Variants in TICAM1 observed in about 807,000 individuals in gnomAD.
TICAM1 encodes TIR domain-containing adapter molecule 1.
For synonymous variants in TICAM1, 439 were observed against 415.4 expected, an observed-to-expected ratio of 1.06 and a Z score of -0.69; for missense variants, 895 against 938.2, an observed-to-expected ratio of 0.95 and a Z score of 0.60.
At position 4,816,224 on chromosome 19, in the gene TICAM1, G is replaced by A; in HGVS notation, c.*15C>T. On this transcript the variant is annotated 3_prime_UTR_variant, in exon 2 of 2. Coordinates refer to ENST00000248244, the MANE Select transcript of TICAM1 (RefSeq NM_182919.4). The surrounding 1 kb of genome is among the most constrained non-coding windows in gnomAD (Gnocchi z 4.3). The stretch of plus-strand genomic sequence containing the variant: ...TCCAGGGGTGTTCCCCAGGTGGTCA[G>A]GCAAGGACACGCGGTCATTCTGCCT... 6.7e-7 allele frequency: 1 copy of A among 1,500,404 alleles called. No homozygotes were observed. The highest frequency in any genetic ancestry group is 8.9e-7 in the Non-Finnish European group (1 of 1,129,040). 92.9% of individuals were successfully genotyped at this position (1,500,404 alleles called of 1,614,324 possible).
At chr19:4,828,218 C>T (rs766295800) in intron 1 of TICAM1, among the ~76,000 whole-genome samples, 6 of 150,818 alleles carry the variant, frequency 4.0e-5, no homozygotes, top group Admixed American at 2.6e-4. Context: ...GGGTTCCCAC[C>T]GTTCTCCTGC....
chr19:4,822,155 G>A (rs916686346), intron 1 of TICAM1, among the ~76,000 whole-genome samples: 3 of 151,714 alleles, frequency 2.0e-5, no homozygotes, highest in Non-Finnish European at 4.4e-5. Context: ...GGCTGGTCTT[G>A]AACTCCCGAC....
chr19:4,827,881 A>G (rs1459296589), intron 1 of TICAM1, among the ~76,000 whole-genome samples: 1 of 151,742 alleles, frequency 6.6e-6, no homozygotes, highest in Non-Finnish European at 1.5e-5. Context: ...AAGTTCGATG[A>G]TCCACGAATC....
At position 4,817,070 on chromosome 19, in the gene TICAM1, G is replaced by A. The variant is rs1600053274; in HGVS notation, c.1308C>T (p.Arg436=). 3.1e-6 allele frequency: 5 copies of A among 1,614,098 alleles called. No individual in the cohort carries two copies. Among genetic ancestry groups the A allele is most frequent in the South Asian group, 1.1e-5 (1 of 91,084 alleles). ...CGTCCTGCAGGCAGCTCAGCTCCCCGCGCCCCGGCACCTGGAAATCCTCGC... is the reference window on the plus strand; with the variant it reads ...CGTCCTGCAGGCAGCTCAGCTCCCCACGCCCCGGCACCTGGAAATCCTCGC... ...TFCEDFQVPG[R]GELSCLQDAI... is the part of the protein sequence containing the mutation. Residue 436 remains arginine, a synonymous_variant, in exon 2 of 2, where the codon CGC becomes CGT. Coordinates refer to ENST00000248244, the MANE Select transcript of TICAM1 (RefSeq NM_182919.4). This position sits in a 1 kb window ranked among gnomAD's most constrained non-coding sequence, Gnocchi z 4.7.
rs2093592141 is a variant in TICAM1, at chr19:4,818,615, A to G, written c.-139-99T>C. Reference sequence around the variant, plus strand: ...CGCCTGCTTTCCCCGCCTGCCACCCAGACCTAGCCAGGTGACCTTCGGCAA... The same window carrying G: ...CGCCTGCTTTCCCCGCCTGCCACCCGGACCTAGCCAGGTGACCTTCGGCAA... On this transcript the variant is annotated intron_variant, in intron 1 of 1. Coordinates refer to ENST00000248244, the MANE Select transcript of TICAM1 (RefSeq NM_182919.4). This position sits in a 1 kb window ranked among gnomAD's most constrained non-coding sequence, Gnocchi z 4.0. 2.7e-6 allele frequency: 2 copies of G among 728,166 alleles called. No homozygotes were observed. Among genetic ancestry groups the G allele is most frequent in the African/African-American group, 3.6e-5 (2 of 54,952 alleles). The allele number at this position is 728,166 out of a possible 1,614,324, so 45.1% of individuals were successfully genotyped here.
Position 4,817,695 on chromosome 19 carries a change from C to T in TICAM1, c.683G>A (p.Ser228Asn), listed in dbSNP as rs2093589476. 1 of 1,589,774 alleles carries T rather than the reference C, an allele frequency of 6.3e-7. No homozygotes were observed. The highest frequency in any genetic ancestry group is 1.1e-5 in the South Asian group (1 of 87,952). ...GGCCTGGGGGTCGTCACAGAGCTTG[C>T]TGGGCCCATGTGGGCTGCGGTGCAG... ...LSLHRSPHGP[S>N]KLCDDPQASL... The change falls in exon 2 of 2, where the codon AGC becomes AAC. Residue 228 changes from serine to asparagine, a missense_variant. Transcript: ENST00000248244. This position sits in a 1 kb window ranked among gnomAD's most constrained non-coding sequence, Gnocchi z 4.7.
In TICAM1 at chr19:4,817,506, G is replaced by C; in HGVS notation, c.872C>G (p.Pro291Arg). 6.2e-7 allele frequency: 1 copy of C among 1,613,976 alleles called. No individual in the cohort carries two copies. The change falls in exon 2 of 2, where the codon CCC becomes CGC. Residue 291 changes from proline to arginine, a missense_variant. Coordinates refer to ENST00000248244, the MANE Select transcript of TICAM1 (RefSeq NM_182919.4). The surrounding 1 kb of genome is among the most constrained non-coding windows in gnomAD (Gnocchi z 4.7). ...DATSTGLPDTPAAPETSTNYP... is the reference protein window; with the variant it reads ...DATSTGLPDTRAAPETSTNYP... ...GTTGGTGCTGGTTTCTGGAGCTGCG[G>C]GGGTATCAGGGAGGCCAGTGGAGGT...
rs778372322 is a variant in TICAM1 at position 4,817,183 on chromosome 19, T to C, written c.1195A>G (p.Ile399Val). The C allele has an allele frequency of 1.9e-6, 3 of 1,613,958 alleles. No individual in the cohort carries two copies. The highest frequency in any genetic ancestry group is 2.5e-6 in the Non-Finnish European group (3 of 1,180,010). ...SSEQKFYNFV[I>V]LHARADEHIA... ...TGTTCGTCTGCCCTGGCGTGGAGGA[T>C]CACAAAGTTATAGAATTTCTGTTCC... The change falls in exon 2 of 2, where the codon ATC (isoleucine) becomes GTC (valine). Residue 399 changes from isoleucine (I) to valine (V), a missense_variant. Transcript: ENST00000248244. This position sits in a 1 kb window ranked among gnomAD's most constrained non-coding sequence, Gnocchi z 4.7.
chr19:4,816,821 G>A lies in TICAM1; in HGVS notation c.1557C>T (p.Ile519=). 5.0e-6 allele frequency: 8 copies of A among 1,612,910 alleles called. No individual in the cohort carries two copies. The highest frequency in any genetic ancestry group is 6.8e-6 in the Non-Finnish European group (8 of 1,180,026). ...GLVRLDEHSQ[I]FARKVANTFK... Reference sequence around the variant, plus strand: ...AGGTGTTGGCCACCTTCCTGGCGAAGATCTGGGAGTGTTCGTCCAGCCGCA... The same window carrying A: ...AGGTGTTGGCCACCTTCCTGGCGAAAATCTGGGAGTGTTCGTCCAGCCGCA... Residue 519 remains isoleucine, a synonymous_variant, in exon 2 of 2, where the codon ATC becomes ATT. Coordinates refer to ENST00000248244, the MANE Select transcript of TICAM1 (RefSeq NM_182919.4). The surrounding 1 kb of genome is among the most constrained non-coding windows in gnomAD (Gnocchi z 4.3).
chr19:4,817,939 C>T lies in TICAM1; in HGVS notation c.439G>A (p.Asp147Asn), dbSNP rs2146170902. 6.2e-7 allele frequency: 1 copy of T among 1,613,898 alleles called. No individual in the cohort carries two copies. The highest frequency in any genetic ancestry group is 1.1e-5 in the South Asian group (1 of 91,088). ...QDEARNRCGW[D>N]IAGDPGSIRT... is the part of the protein sequence containing the mutation. ...ATGCTCCCTGGATCCCCAGCAATGT[C>T]CCACCCACACCGGTTTCGGGCCTCA... Residue 147 changes from aspartate to asparagine, a missense_variant, in exon 2 of 2, where the codon GAC becomes AAC. Physicochemically the swap from Asp to Asn is conservative, Grantham distance 23. Transcript: ENST00000248244. The surrounding 1 kb of genome is among the most constrained non-coding windows in gnomAD (Gnocchi z 4.7).
Position 4,817,658 on chromosome 19 carries a change from G to T in TICAM1, c.720C>A (p.Pro240=). The T allele has an allele frequency of 6.3e-7, 1 of 1,581,824 alleles. No homozygotes were observed. The highest frequency in any genetic ancestry group is 8.6e-7 in the Non-Finnish European group (1 of 1,164,594). ...CCTGGCAGCCACCGGGGACAGGCTCGGGCACCAAGCTGGCCTGGGGGTCGT... is the reference window on the plus strand; with the variant it reads ...CCTGGCAGCCACCGGGGACAGGCTCTGGCACCAAGCTGGCCTGGGGGTCGT... ...LCDDPQASLV[P]EPVPGGCQEP... The change falls in exon 2 of 2, where the codon CCC becomes CCA. Residue 240 remains proline, a synonymous_variant. Coordinates refer to ENST00000248244, the MANE Select transcript of TICAM1 (RefSeq NM_182919.4). This position sits in a 1 kb window ranked among gnomAD's most constrained non-coding sequence, Gnocchi z 4.7.
At chr19:4,827,085 T>A (rs551497899) in intron 1 of TICAM1, among the ~76,000 whole-genome samples, 2 of 151,982 alleles carry the variant, frequency 1.3e-5, no homozygotes, top group South Asian at 4.1e-4. Flanking sequence ...GCGCAGTGGC[T>A]CACGCCTGTA....
intron 1 of TICAM1, among the ~76,000 whole-genome samples, chr19:4,824,697 C>G (rs2093602982): frequency 6.6e-6 from 1 of 151,014 alleles, no homozygotes. Context: ...CTTTGGGAGG[C>G]CGAGGCAGGT....
chr19:4,817,415 C>A lies in TICAM1; in HGVS notation c.963G>T (p.Pro321=). 1 of 1,613,998 alleles carries A rather than the reference C, an allele frequency of 6.2e-7. No individual in the cohort carries two copies. The highest frequency in any genetic ancestry group is 8.5e-7 in the Non-Finnish European group (1 of 1,180,014). The change falls in exon 2 of 2, where the codon CCG becomes CCT. Residue 321 remains proline (P), a synonymous_variant. Transcript: ENST00000248244. This position sits in a 1 kb window ranked among gnomAD's most constrained non-coding sequence, Gnocchi z 4.7. ...PQSLPLPILE[P]VKNPCSVKDQ... is the part of the protein sequence containing the mutation. ...CTTTGACAGAGCAGGGGTTTTTGAC[C>A]GGCTCCAGAATAGGCAAGGGGAGAG...
rs1464116110 is a variant in TICAM1 at position 4,816,324 on chromosome 19, T to C, written c.2054A>G (p.Gln685Arg). Residue 685 changes from glutamine (Q) to arginine (R), a missense_variant, in exon 2 of 2, where the codon CAG (glutamine) becomes CGG (arginine). By Grantham distance (43) the Gln-to-Arg change is conservative. Transcript: ENST00000248244. The surrounding 1 kb of genome is among the most constrained non-coding windows in gnomAD (Gnocchi z 4.3). ...GTTGTTCAGCCCCAGCTGTACCATC[T>C]GTGCGTGGTGGATAATGAGGGGTTG... ...GLQPLIIHHA[Q>R]MVQLGLNNHM... 1 of 1,561,224 alleles carries C rather than the reference T, an allele frequency of 6.4e-7. No individual in the cohort carries two copies. Among genetic ancestry groups the C allele is most frequent in the Admixed American group, 2.0e-5 (1 of 50,148 alleles).
chr19:4,819,202 A>G (rs1195240018), intron 1 of TICAM1, among the ~76,000 whole-genome samples: 1 of 150,908 alleles, frequency 6.6e-6, no homozygotes, highest in Non-Finnish European at 1.5e-5. Context: ...TAAGCCCAGG[A>G]GGTTGAGGCT....
chr19:4,828,966 C>A (rs1401344259), intron 1 of TICAM1, among the ~76,000 whole-genome samples: 1 of 151,926 alleles, frequency 6.6e-6, no homozygotes, highest in Admixed American at 6.6e-5. Context: ...CTCCAAAATT[C>A]TGGGATTACA....
Position 4,818,075 on chromosome 19 carries a change from G to A in TICAM1, c.303C>T (p.His101=), listed in dbSNP as rs1382198648. The A allele has an allele frequency of 6.2e-7, 1 of 1,607,640 alleles. No homozygotes were observed. The highest frequency in any genetic ancestry group is 2.2e-5 in the East Asian group (1 of 44,882). Residue 101 remains histidine (H), a synonymous_variant, in exon 2 of 2, where the codon CAC becomes CAT. Transcript: ENST00000248244. This position sits in a 1 kb window ranked among gnomAD's most constrained non-coding sequence, Gnocchi z 4.0. The part of the protein sequence containing the change: ...DVSWAVARLY[H]LLAEEKLCPA... Reference sequence around the variant, plus strand: ...GGCACAGCTTCTCCTCAGCCAGCAGGTGGTACAAGCGGGCCACAGCCCAGG... The same window carrying A: ...GGCACAGCTTCTCCTCAGCCAGCAGATGGTACAAGCGGGCCACAGCCCAGG...
rs2093588940 is a variant in TICAM1, at chr19:4,817,542, G to C, written c.836C>G (p.Ala279Gly). 6.2e-7 allele frequency: 1 copy of C among 1,613,262 alleles called. No individual in the cohort carries two copies. Among genetic ancestry groups the C allele is most frequent in the South Asian group, 1.1e-5 (1 of 91,058 alleles). ...SSPPPGLPEV[A>G]PDATSTGLPD... ...GAGGCCAGTGGAGGTTGCATCTGGG[G>C]CCACTTCGGGAAGCCCAGGAGGTGG... The change falls in exon 2 of 2, where the codon GCC becomes GGC. Residue 279 changes from alanine (A) to glycine (G), a missense_variant. Physicochemically the swap from Ala to Gly is moderately conservative, Grantham distance 60 (BLOSUM62 0). Transcript: ENST00000248244. The surrounding 1 kb of genome is among the most constrained non-coding windows in gnomAD (Gnocchi z 4.7).
Sources: allele counts gnomAD v4.1 joint callset (sites outside exome capture counted in the v4.1 genomes callset), GRCh38; gene constraint gnomAD v4.1.1; non-coding constraint Gnocchi (gnomAD v3.1); transcripts MANE v1.5; gene names NCBI Gene and HGNC (gene_info 2026-07-23, HGNC 2026-07-21).